Variants in DOCK8 observed in about 807,000 individuals in gnomAD.
The protein encoded by DOCK8 is dedicator of cytokinesis 8, also known as dedicator of cytokinesis protein 8.
Under a neutral mutation model 245.6 loss-of-function variants are expected in DOCK8, and 141 were observed. The ratio of observed to expected loss-of-function variants is 0.57; its 90% confidence interval spans 0.50 to 0.66. The LOEUF (loss-of-function observed/expected upper bound fraction) is 0.66. Among genes scored for constraint, DOCK8 ranks in the 30% least tolerant of loss-of-function variants. DOCK8 has a pLI of 0.00. For synonymous variants in DOCK8, 1,168 were observed against 970.2 expected (o/e 1.20, Z -3.79); for missense variants, 2,965 against 2,603.4 (o/e 1.14, Z -3.02).
At chr9:277,592 A>G (rs1563865533) in intron 2 of DOCK8, among the ~76,000 whole-genome samples, 1 of 151,192 alleles carries the variant, frequency 6.6e-6, no homozygotes, top group South Asian at 2.1e-4. Flanking sequence ...AAGAGTTAGG[A>G]TCTATGCCCT....
chr9:407,630 C>CAGAG (rs59079456), intron 28 of DOCK8, among the ~76,000 whole-genome samples: 82,569 of 151,608 alleles, frequency 0.54, 23,817 homozygotes, highest in African/African-American at 0.74. Flanking sequence ...AGTCAACAGA[C>CAGAG]AGAGAGGTAG....
At chr9:312,473 C>A (rs1008989164) in intron 6 of DOCK8, 2 of 510,850 alleles carry the variant, frequency 3.9e-6, no homozygotes, top group Non-Finnish European at 7.6e-6. Context: ...AGTAATCACA[C>A]CCAGCAAGTC....
intron 3 of DOCK8, among the ~76,000 whole-genome samples, chr9:288,845 A>G (rs1389900887): frequency 6.6e-6 from 1 of 152,254 alleles, no homozygotes; most frequent in African/African-American, 2.4e-5. Flanking sequence ...CCTCCTTATC[A>G]CAGATGAGAA....
rs999264217 is a variant in DOCK8, at chr9:420,330, T to C, written c.3841-71T>C. On this transcript the variant is annotated intron_variant, in intron 30 of 47. Transcript: ENST00000432829. ...ACTTTGAATTTTTCTGTTGCTTGAC[T>C]GTTAAGCCTCAAATTTTTCTGTTGC... is the stretch of plus-strand genomic sequence containing the variant. 3 of 1,546,722 alleles carry C rather than the reference T, an allele frequency of 1.9e-6. No individual in the cohort carries two copies. The African/African-American group carries it at 4.1e-5, about 21-fold the overall frequency.
intron 29 of DOCK8, among the ~76,000 whole-genome samples, 170 bp downstream of exon 29, chr9:415,121 A>T (rs555793081): frequency 6.6e-6 from 1 of 152,078 alleles, no homozygotes; most frequent in Admixed American, 6.5e-5. Context: ...TTAAAAAAAC[A>T]AAAAAAGTCA....
intron 1 of DOCK8, among the ~76,000 whole-genome samples, chr9:261,501 A>G (rs1270035653): frequency 6.6e-6 from 1 of 152,170 alleles, no homozygotes; most frequent in Non-Finnish European, 1.5e-5. Flanking sequence ...GACCTTTGCA[A>G]TTTGTTAAGA....
rs77314581 is a variant in DOCK8, at chr9:423,026, T to C, written c.4241+891T>C. Among the ~76,000 whole-genome samples, 324 of 150,042 alleles carry C rather than the reference T, an allele frequency of 2.2e-3. 1 individual carries two copies. Among genetic ancestry groups the C allele is most frequent in the African/African-American group, 7.8e-3 (318 of 40,790 alleles). On this transcript the variant is annotated intron_variant, in intron 33 of 47. Transcript: ENST00000432829. ...AAAGAACCTCAAATCTCTGATGACATATAGTCAATGTATTTTTTAAAGGCT... is the reference window on the plus strand; with the variant it reads ...AAAGAACCTCAAATCTCTGATGACACATAGTCAATGTATTTTTTAAAGGCT...
chr9:351,168 T>A (rs1410893540), intron 14 of DOCK8, among the ~76,000 whole-genome samples: 1 of 152,164 alleles, frequency 6.6e-6, no homozygotes, highest in African/African-American at 2.4e-5. Context: ...TTGCCTAGTA[T>A]GGTCTACCTC....
intron 2 of DOCK8, among the ~76,000 whole-genome samples, chr9:277,424 CAGAAA>C (rs1415900535): frequency 7.2e-6 from 1 of 138,654 alleles, no homozygotes; most frequent in Non-Finnish European, 1.5e-5. Context: ...GACCCTGTCT[CAGAAA>C]AGAAAAGAGA....
chr9:361,217 G>C (rs2052713503), intron 14 of DOCK8, among the ~76,000 whole-genome samples: 1 of 152,084 alleles, frequency 6.6e-6, no homozygotes, highest in South Asian at 2.1e-4. Flanking sequence ...TAATCAGAGA[G>C]ACATAGAGAC....
chr9:402,915 A>G (rs148020729), intron 26 of DOCK8, among the ~76,000 whole-genome samples: 1 of 152,054 alleles, frequency 6.6e-6, no homozygotes. Context: ...TTTGAGATGG[A>G]GTCTTACTCT....
chr9:424,226 C>T (rs1413864387), intron 33 of DOCK8, among the ~76,000 whole-genome samples: 2 of 147,210 alleles, frequency 1.4e-5, no homozygotes, highest in African/African-American at 2.6e-5. Flanking sequence ...TCAACTTAGG[C>T]TGCACATTAG....
Position 365,944 on chromosome 9 carries a change from C to A in DOCK8, c.1680-2074C>A. The stretch of plus-strand genomic sequence containing the variant: ...TGACAGCATCAGTGGCTCAGTCTTA[C>A]CGACCTGCATCAGGGTTTTGGGCTC... On this transcript the variant is annotated intron_variant, in intron 14 of 47. Transcript: ENST00000432829. 1.2e-5 allele frequency: 3 copies of A among 260,006 alleles called. No individual in the cohort carries two copies. In the South Asian group the frequency reaches 1.2e-4, roughly 11 times the overall value. The allele number at this position is 260,006 out of a possible 1,614,324, so 16.1% of individuals were successfully genotyped here. A position where few individuals can be genotyped will look rare whatever the true frequency, so the allele number is the denominator to read the frequency against.
intron 4 of DOCK8, among the ~76,000 whole-genome samples, chr9:299,656 G>A (rs904849869): frequency 6.6e-6 from 1 of 151,178 alleles, no homozygotes; most frequent in African/African-American, 2.4e-5. Flanking sequence ...CCCCAATTTA[G>A]CCTGCGTTTC....
At chr9:317,224 A>G in intron 7 of DOCK8, 96 bp downstream of exon 7, 1 of 1,024,012 alleles carries the variant, frequency 9.8e-7, no homozygotes, top group East Asian at 2.6e-5. Context: ...ATCAAAGCGG[A>G]GCTCCCAAAA....
Position 255,443 on chromosome 9 carries a change from A to G in DOCK8, c.54-16184A>G, listed in dbSNP as rs1043572110. Among the ~76,000 whole-genome samples, 46 of 152,120 alleles carry G rather than the reference A, an allele frequency of 3.0e-4. 1 individual carries two copies. The highest frequency in any genetic ancestry group is 1.3e-4 in the Non-Finnish European group (9 of 68,012). Reference sequence around the variant, plus strand: ...AGCACTTTGGGAGGCCAAGGCGGGCAGATCACCTGAGGTCAGGAGTTTGAG... The same window carrying G: ...AGCACTTTGGGAGGCCAAGGCGGGCGGATCACCTGAGGTCAGGAGTTTGAG... On this transcript the variant is annotated intron_variant, in intron 1 of 47. Coordinates refer to ENST00000432829, the MANE Select transcript of DOCK8 (RefSeq NM_203447.4).
chr9:416,137 G>T (rs146552573), intron 29 of DOCK8, among the ~76,000 whole-genome samples: 417 of 152,264 alleles, frequency 2.7e-3, no homozygotes, highest in African/African-American at 9.2e-3. Context: ...AGTTCTGTTG[G>T]GGCCAGAGTG....
intron 3 of DOCK8, among the ~76,000 whole-genome samples, chr9:287,513 C>T (rs1252034737): frequency 6.6e-6 from 1 of 152,212 alleles, no homozygotes; most frequent in Non-Finnish European, 1.5e-5. Context: ...CCCCTGCCCT[C>T]TTTACTCTGA....
At chr9:238,633 A>C (rs2047315190) in intron 1 of DOCK8, among the ~76,000 whole-genome samples, 1 of 152,182 alleles carries the variant, frequency 6.6e-6, no homozygotes, top group South Asian at 2.1e-4. Context: ...AAACAACATA[A>C]AGGAAAACCA....
Sources: gnomAD v4.1 joint callset for allele counts (sites outside exome capture counted in the v4.1 genomes callset) on GRCh38, gnomAD v4.1.1 for gene constraint, MANE v1.5 for transcripts, NCBI Gene and HGNC (gene_info 2026-07-23, HGNC 2026-07-21) for gene names.